ERGIC1: variants seen among roughly 807,000 people sequenced by gnomAD.
ERGIC1 encodes the protein endoplasmic reticulum-Golgi intermediate compartment protein 1.
In ERGIC1, 19 loss-of-function variants were observed where a neutral mutation model predicts 38.3. The ratio of observed to expected loss-of-function variants is 0.50; its 90% CI spans 0.35 to 0.73. ERGIC1 has a LOEUF of 0.73. Among genes scored for constraint, ERGIC1 ranks in the 30% least tolerant of loss-of-function variants. The pLI, the probability that ERGIC1 is intolerant of heterozygous loss-of-function variation, is 0.01. For synonymous variants in ERGIC1, 124 were observed against 157.6 expected (o/e 0.79, Z 1.60); for missense variants, 294 against 389.2 (o/e 0.76, Z 2.06).
intron 1 of ERGIC1, among the ~76,000 whole-genome samples, chr5:172,841,023 A>C (rs1362513575): frequency 2.6e-5 from 4 of 152,218 alleles, no homozygotes; most frequent in Non-Finnish European, 5.9e-5. Context: ...GTATAGTCTC[A>C]GATGCCCTGT....
intron 9 of ERGIC1, among the ~76,000 whole-genome samples, chr5:172,947,203 A>C (rs990627244): frequency 3.3e-5 from 5 of 151,698 alleles, no homozygotes; most frequent in Non-Finnish European, 5.9e-5. Context: ...AAAAAAAAGA[A>C]AGACATGATC....
At chr5:172,844,405 T>C (rs1417257351) in intron 1 of ERGIC1, among the ~76,000 whole-genome samples, 1 of 152,240 alleles carries the variant, frequency 6.6e-6, no homozygotes, top group Admixed American at 6.5e-5. Flanking sequence ...TGAAAATGGT[T>C]GGCCACTGAT....
chr5:172,878,262 G>A (rs185779260), intron 1 of ERGIC1, among the ~76,000 whole-genome samples: 1 of 152,270 alleles, frequency 6.6e-6, no homozygotes, highest in East Asian at 1.9e-4. Context: ...AGCATTATGT[G>A]CTATGTAGAC....
chr5:172,841,718 T>G (rs1761165799), intron 1 of ERGIC1, among the ~76,000 whole-genome samples: 1 of 152,244 alleles, frequency 6.6e-6, no homozygotes, highest in South Asian at 2.1e-4. Context: ...AATGCTCATC[T>G]TATTAGCAAT....
chr5:172,906,796 C>T (rs1763038164), intron 3 of ERGIC1, among the ~76,000 whole-genome samples: 1 of 152,148 alleles, frequency 6.6e-6, no homozygotes, highest in African/African-American at 2.4e-5. Context: ...GCCCCTTCAG[C>T]CGCCCCCTAG....
In ERGIC1 at chr5:172,835,529, G is replaced by A. The variant is rs151186288; in HGVS notation, c.20+1096G>A. Among the ~76,000 whole-genome samples, 24 of 152,308 alleles carry A rather than the reference G, an allele frequency of 1.6e-4. No homozygotes were observed. In the East Asian group the frequency reaches 4.4e-3, roughly 28 times the overall value. ...CTCAGAAATAGGGCATTAGTGGATG[G>A]GGGGTGTTCTCCAGGAGGGGTTTTC... On this transcript the variant is annotated intron_variant, in intron 1 of 9. Coordinates refer to ENST00000393784, the MANE Select transcript of ERGIC1 (RefSeq NM_001031711.3).
chr5:172,929,787 G>T (rs1264166516), intron 7 of ERGIC1, among the ~76,000 whole-genome samples: 1 of 152,158 alleles, frequency 6.6e-6, no homozygotes, highest in Non-Finnish European at 1.5e-5. Flanking sequence ...CCTACTATAT[G>T]CTGGGCATTG....
intron 5 of ERGIC1, chr5:172,915,398 A>T (rs1763335554): frequency 2.4e-6 from 1 of 414,102 alleles, no homozygotes; most frequent in African/African-American, 2.1e-5. Context: ...ACCAGAAAGC[A>T]TCAGGGATGC....
At chr5:172,853,294 A>G (rs1761458153) in intron 1 of ERGIC1, among the ~76,000 whole-genome samples, 1 of 152,052 alleles carries the variant, frequency 6.6e-6, no homozygotes, top group Non-Finnish European at 1.5e-5. Flanking sequence ...CACAGCCCCC[A>G]TTGCGGCCCC....
chr5:172,934,777 G>T, intron 8 of ERGIC1: 1 of 262,238 alleles, frequency 3.8e-6, no homozygotes, highest in South Asian at 4.4e-5. Flanking sequence ...CTCACCTCGG[G>T]GTCCCCAGCA....
chr5:172,839,437 G>A (rs1168409026), intron 1 of ERGIC1, among the ~76,000 whole-genome samples: 1 of 151,566 alleles, frequency 6.6e-6, no homozygotes, highest in African/African-American at 2.4e-5. Flanking sequence ...GGTGATGTGC[G>A]TCTGTGGTCC....
intron 9 of ERGIC1, among the ~76,000 whole-genome samples, chr5:172,949,808 G>A (rs1764194830): frequency 1.3e-5 from 2 of 152,180 alleles, no homozygotes; most frequent in African/African-American, 4.8e-5. Context: ...GCTCATGCTT[G>A]TAATCCCAGC....
At chr5:172,940,808 C>G (rs549194974) in intron 9 of ERGIC1, among the ~76,000 whole-genome samples, 3 of 152,340 alleles carry the variant, frequency 2.0e-5, no homozygotes, top group South Asian at 4.1e-4. Flanking sequence ...CTCTGCTGCC[C>G]TCTTTCATGC....
intron 2 of ERGIC1, among the ~76,000 whole-genome samples, chr5:172,890,549 T>C (rs1762531787): frequency 6.6e-6 from 1 of 152,206 alleles, no homozygotes; most frequent in South Asian, 2.1e-4. Context: ...CTGTACTACC[T>C]TTGCATCTAT....
chr5:172,864,268 CTTTTTTTTTT>C (rs60390189), intron 1 of ERGIC1, among the ~76,000 whole-genome samples: 3 of 71,162 alleles, frequency 4.2e-5, no homozygotes, highest in African/African-American at 1.5e-4. Context: ...ATTTTGTAGT[CTTTTTTTTTT>C]TTTTTTTTTT....
intron 1 of ERGIC1, among the ~76,000 whole-genome samples, chr5:172,835,832 G>A (rs890243789): frequency 1.2e-4 from 19 of 152,192 alleles, no homozygotes; most frequent in African/African-American, 4.6e-4. Flanking sequence ...GCAGCCCTGA[G>A]GCTAGCAGAC....
intron 7 of ERGIC1, among the ~76,000 whole-genome samples, chr5:172,927,937 G>C (rs1312604226): frequency 6.6e-6 from 1 of 152,122 alleles, no homozygotes; most frequent in Non-Finnish European, 1.5e-5. Flanking sequence ...TTGGCGCTCT[G>C]TTACCCGATT....
intron 2 of ERGIC1, among the ~76,000 whole-genome samples, chr5:172,893,905 A>ATATATATGTGTGTGTGTGTGTGTGTG (rs1173039695): frequency 6.4e-5 from 1 of 15,542 alleles, no homozygotes; most frequent in Non-Finnish European, 2.1e-4. Context: ...ATATATATAT[A>ATATATATGTGTGTGTGTGTGTGTGTG]TGTGTGTGTG....
At chr5:172,885,217 C>T (rs1762388384) in intron 1 of ERGIC1, among the ~76,000 whole-genome samples, 1 of 152,118 alleles carries the variant, frequency 6.6e-6, no homozygotes, top group Non-Finnish European at 1.5e-5. Context: ...GCAGCCTCAA[C>T]CTCCCAGGCT....
Sources: gnomAD v4.1 joint callset for allele counts (sites outside exome capture counted in the v4.1 genomes callset) on GRCh38, gnomAD v4.1.1 for gene constraint, MANE v1.5 for transcripts, NCBI Gene and HGNC (gene_info 2026-07-23, HGNC 2026-07-21) for gene names.